The following TRIM5 variants were observed in gnomAD, a reference collection of about 807,000 sequenced individuals.
The protein encoded by TRIM5 is tripartite motif-containing protein 5.
A neutral mutation model predicts 35.6 loss-of-function variants in TRIM5; 31 were observed. That is an observed-to-expected ratio of 0.87 (90% CI 0.65 to 1.18). The LOEUF (loss-of-function observed/expected upper bound fraction) is 1.18, where lower values mean the gene tolerates loss of function less well. Among genes scored for constraint, TRIM5 ranks in the 50% most tolerant of loss-of-function variants. The pLI is 0.00. For missense variants in TRIM5, 609 were observed against 591.6 expected (o/e 1.03, Z -0.31); for synonymous variants, 243 against 215.6 (o/e 1.13, Z -1.11).
At position 5,663,463 on chromosome 11, in the gene TRIM5, C is replaced by G. The variant is rs1850906335; in HGVS notation, c.*1346G>C. 2.0e-6 allele frequency: 2 copies of G among 985,160 alleles called. No individual in the cohort carries two copies. Among genetic ancestry groups the G allele is most frequent in the Non-Finnish European group, 2.4e-6 (2 of 829,840 alleles). The allele number at this position is 985,160 out of a possible 1,614,324, so 61.0% of individuals were successfully genotyped here. ...AATTTAGTAAATCCAATCCTAGTTT[C>G]CCTGAAGGCACAACCTGTTCCATGA... On this transcript the variant is annotated 3_prime_UTR_variant, in exon 8 of 8. Coordinates refer to ENST00000380034, the MANE Select transcript of TRIM5 (RefSeq NM_033034.3).
At position 5,679,057 on chromosome 11, in the gene TRIM5, G is replaced by A. The variant is rs755329181; in HGVS notation, c.513+17C>T. 6.8e-6 allele frequency: 11 copies of A among 1,609,036 alleles called. No individual in the cohort carries two copies. The highest frequency in any genetic ancestry group is 6.8e-6 in the Non-Finnish European group (8 of 1,175,796). ...CCAGATTTCTAGCTAACTCCTTCGG[G>A]AACCACATCCTCTTGCCTTCCAGGA... On this transcript the variant is annotated intron_variant, in intron 3 of 7. Transcript: ENST00000380034.
intron 4 of TRIM5, among the ~76,000 whole-genome samples, chr11:5,671,371 T>G (rs187322161): frequency 6.7e-6 from 1 of 149,344 alleles, no homozygotes; most frequent in African/African-American, 2.5e-5. Flanking sequence ...ACCCCAGATG[T>G]TGGAGCTAGA....
chr11:5,627,334 C>T, the TRIM5 span, among the ~76,000 whole-genome samples: 2 of 152,012 alleles, frequency 1.3e-5, no homozygotes, highest in Non-Finnish European at 2.9e-5. Context: ...GAGCCGAGAT[C>T]ATGCCACCAC....
chr11:5,679,048 C>G, intron 3 of TRIM5, 26 bp downstream of exon 3: 2 of 1,600,406 alleles, frequency 1.2e-6, no homozygotes, highest in Non-Finnish European at 1.7e-6. Flanking sequence ...TTCTAGCTAA[C>G]TCCTTCGGGA....
At chr11:5,674,763 A>G (rs1851818743) in intron 4 of TRIM5, among the ~76,000 whole-genome samples, 1 of 152,270 alleles carries the variant, frequency 6.6e-6, no homozygotes, top group Non-Finnish European at 1.5e-5. Context: ...CACACCATGG[A>G]GGACTTTAAG....
the TRIM5 span, chr11:5,588,818 T>C: frequency 0.014 from 2,150 of 151,294 alleles, 26 homozygotes; most frequent in Non-Finnish European, 0.021. Flanking sequence ...GAGTGTCGCT[T>C]TGTTGCCCAG....
chr11:5,613,354 G>A, the TRIM5 span, among the ~76,000 whole-genome samples: 1 of 152,204 alleles, frequency 6.6e-6, no homozygotes, highest in Non-Finnish European at 1.5e-5. Context: ...ATGAAACACT[G>A]ATTTGTTATC....
the TRIM5 span, among the ~76,000 whole-genome samples, chr11:5,651,614 G>C: frequency 6.6e-6 from 1 of 152,188 alleles, no homozygotes; most frequent in East Asian, 1.9e-4. Context: ...ACAGGTGCAT[G>C]TGTCTTTATG....
chr11:5,646,234 G>A, the TRIM5 span, among the ~76,000 whole-genome samples: 10 of 151,898 alleles, frequency 6.6e-5, no homozygotes, highest in South Asian at 1.0e-3. Context: ...CAGTAGCACT[G>A]GATGTCTGTC....
At chr11:5,668,006 G>A (rs1008339973) in intron 4 of TRIM5, among the ~76,000 whole-genome samples, 2 of 152,140 alleles carry the variant, frequency 1.3e-5, no homozygotes, top group South Asian at 2.1e-4. Flanking sequence ...TTCTCCAAAC[G>A]TATATGGCTC....
At chr11:5,658,974 G>A (rs182922662), downstream of TRIM5, among the ~76,000 whole-genome samples, 6 of 152,196 alleles carry the variant, frequency 3.9e-5, no homozygotes, top group East Asian at 1.9e-4. Flanking sequence ...GACACAGGGC[G>A]GGGAACATCA....
At chr11:5,616,988 C>T in the TRIM5 span, among the ~76,000 whole-genome samples, 3 of 141,924 alleles carry the variant, frequency 2.1e-5, no homozygotes, top group East Asian at 2.3e-4. Context: ...CCACCTGCCT[C>T]GGCCTCTCAA....
chr11:5,616,421 A>T, the TRIM5 span, among the ~76,000 whole-genome samples: 1 of 145,380 alleles, frequency 6.9e-6, no homozygotes, highest in Non-Finnish European at 1.5e-5. Context: ...TTGGCATTTT[A>T]ACTTAGTTTT....
At chr11:5,669,213 G>GGGATTACA (rs879261175) in intron 4 of TRIM5, among the ~76,000 whole-genome samples, 4 of 151,986 alleles carry the variant, frequency 2.6e-5, no homozygotes, top group Non-Finnish European at 4.4e-5. Flanking sequence ...CTGAGTAGCT[G>GGGATTACA]GGATTACAGG....
intron 4 of TRIM5, among the ~76,000 whole-genome samples, chr11:5,676,080 T>C (rs577633762): frequency 1.1e-4 from 16 of 144,134 alleles, no homozygotes; most frequent in African/African-American, 3.2e-4. Flanking sequence ...ACGTGCCACA[T>C]TTTCTTAATC....
intron 4 of TRIM5, among the ~76,000 whole-genome samples, chr11:5,674,238 T>G (rs1461439993): frequency 6.6e-6 from 1 of 152,138 alleles, no homozygotes; most frequent in Non-Finnish European, 1.5e-5. Context: ...TGCAGATGGA[T>G]GTCAGCAAAA....
chr11:5,629,837 A>G, the TRIM5 span, among the ~76,000 whole-genome samples: 1 of 152,248 alleles, frequency 6.6e-6, no homozygotes, highest in East Asian at 1.9e-4. Flanking sequence ...CCTCCCGAGT[A>G]GCTGGGACTA....
rs1313844920 is a variant in TRIM5, at chr11:5,680,001, C to A, written c.177G>T (p.Arg59=). Reference sequence around the variant, plus strand: ...GTATGTTCTCAGGCTGGTAACTGATCCGGCACACAGGGCAGCTACTCTCTC... The same window carrying A: ...GTATGTTCTCAGGCTGGTAACTGATACGGCACACAGGGCAGCTACTCTCTC... The part of the protein sequence containing the change: ...DKGESSCPVC[R]ISYQPENIRP... The change falls in exon 2 of 8, where the codon CGG becomes CGT. Residue 59 remains arginine (R), a synonymous_variant. Coordinates refer to ENST00000380034, the MANE Select transcript of TRIM5 (RefSeq NM_033034.3). The A allele has an allele frequency of 6.2e-7, 1 of 1,613,958 alleles. No homozygotes were observed. Among genetic ancestry groups the A allele is most frequent in the African/African-American group, 1.3e-5 (1 of 75,016 alleles).
chr11:5,606,476 C>T, the TRIM5 span, among the ~76,000 whole-genome samples: 5 of 151,738 alleles, frequency 3.3e-5, no homozygotes, highest in Admixed American at 6.6e-5. Flanking sequence ...TGTTTGTCTT[C>T]GTGCTTTCCT....
Sources: gnomAD v4.1 joint callset for allele counts (sites outside exome capture counted in the v4.1 genomes callset) on GRCh38, gnomAD v4.1.1 for gene constraint, MANE v1.5 for transcripts, NCBI Gene and HGNC (gene_info 2026-07-23, HGNC 2026-07-21) for gene names.